The following CLOCK variants were observed in gnomAD, a reference collection of about 807,000 sequenced individuals.
CLOCK encodes clock circadian regulator, also known as circadian locomoter output cycles protein kaput.
CLOCK carries 43 observed loss-of-function variants against 118.4 expected under a neutral mutation model. The ratio of observed to expected loss-of-function variants is 0.36; its 90% CI spans 0.28 to 0.47. The LOEUF is 0.47. CLOCK is among the 20% of genes least tolerant of loss of function. The pLI is 1.00. For missense variants in CLOCK, 846 were observed against 999.9 expected (o/e 0.85, Z 2.08); for synonymous variants, 326 against 339.2 (o/e 0.96, Z 0.43).
At chr4:55,521,381 G>A (rs2110062202) in intron 1 of CLOCK, among the ~76,000 whole-genome samples, 1 of 152,278 alleles carries the variant, frequency 6.6e-6, no homozygotes, top group South Asian at 2.1e-4. Context: ...ATCACGCCTG[G>A]CTAATTTTTT....
At position 55,520,476 on chromosome 4, in the gene CLOCK, T is replaced by C. The variant is rs532547998; in HGVS notation, c.-289-10411A>G. On this transcript the variant is annotated intron_variant, in intron 1 of 22. Coordinates refer to ENST00000513440, the MANE Select transcript of CLOCK (RefSeq NM_004898.4). ...AAAAATGGCATTATGAGGATCTGCT[T>C]TTGTAGTATGAACTACTCCTAGAAA... 5.3e-5 allele frequency among the ~76,000 whole-genome samples: 8 copies of C among 152,322 alleles called. No homozygotes were observed. In the South Asian group the frequency reaches 1.5e-3, roughly 28 times the overall value.
intron 1 of CLOCK, among the ~76,000 whole-genome samples, chr4:55,524,385 TGA>T (rs1730036013): frequency 6.6e-6 from 1 of 150,788 alleles, no homozygotes; most frequent in South Asian, 2.1e-4. Context: ...GGCAACAGAG[TGA>T]GACTCTGTCT....
At chr4:55,470,464 A>T (rs1171291702) in intron 8 of CLOCK, among the ~76,000 whole-genome samples, 1 of 152,188 alleles carries the variant, frequency 6.6e-6, no homozygotes, top group African/African-American at 2.4e-5. Flanking sequence ...TGATGTTCAC[A>T]CAGTGACAAA....
chr4:55,527,729 G>A (rs939198931), intron 1 of CLOCK, among the ~76,000 whole-genome samples: 11 of 152,096 alleles, frequency 7.2e-5, no homozygotes, highest in Non-Finnish European at 1.6e-4. Flanking sequence ...GTTAGGTGTG[G>A]TAATGATACC....
rs70965446 is a variant in CLOCK, at chr4:55,435,188, T to C, written c.*227A>G. 1.8e-3 allele frequency: 1,016 copies of C among 559,472 alleles called. 6 individuals carry two copies. Among genetic ancestry groups the C allele is most frequent in the South Asian group, 3.9e-3 (192 of 48,632 alleles). The allele number at this position is 559,472 out of a possible 1,614,324, so 34.7% of individuals were successfully genotyped here. ...AAAAATATCCAGGCACCTAAAACAC[T>C]GTCAGAACTGGCTATGCCCCTATGA... On this transcript the variant is annotated 3_prime_UTR_variant, in exon 23 of 23. Transcript: ENST00000513440.
intron 1 of CLOCK, among the ~76,000 whole-genome samples, chr4:55,528,122 C>T (rs1367794440): frequency 6.6e-6 from 1 of 151,954 alleles, no homozygotes; most frequent in African/African-American, 2.4e-5. Flanking sequence ...CTTTGGGAGG[C>T]TGAGGTGGGT....
At chr4:55,504,089 C>A (rs1728626867) in intron 2 of CLOCK, among the ~76,000 whole-genome samples, 1 of 149,736 alleles carries the variant, frequency 6.7e-6, no homozygotes, top group African/African-American at 2.4e-5. Flanking sequence ...TCGAGACCAT[C>A]CTGGCTAACA....
At chr4:55,456,351 T>A in intron 11 of CLOCK, 51 bp from the exon 12 acceptor site, 1 of 1,193,266 alleles carries the variant, frequency 8.4e-7, no homozygotes, top group Non-Finnish European at 1.2e-6. Flanking sequence ...TTAAGAATAT[T>A]AAATATTGCT....
In CLOCK at chr4:55,439,080, T is replaced by G. The variant is rs566822986; in HGVS notation, c.2106-543A>C. On this transcript the variant is annotated intron_variant, in intron 21 of 22. Transcript: ENST00000513440. ...ACAGAGTAAAAAGGTAACTGTCCCA[T>G]CCCACAGATGGGAGAAAATATCTGC... Among the ~76,000 whole-genome samples the G allele has an allele frequency of 7.2e-5, 11 of 152,264 alleles. No homozygotes were observed. In the East Asian group the frequency reaches 1.4e-3, roughly 19 times the overall value.
chr4:55,473,630 T>C (rs904126458), intron 7 of CLOCK, among the ~76,000 whole-genome samples: 1 of 152,198 alleles, frequency 6.6e-6, no homozygotes, highest in African/African-American at 2.4e-5. Context: ...TGCTTCGCTT[T>C]ATTGAACTTC....
At chr4:55,536,072 G>A (rs1368553656) in intron 1 of CLOCK, among the ~76,000 whole-genome samples, 1 of 152,096 alleles carries the variant, frequency 6.6e-6, no homozygotes, top group Non-Finnish European at 1.5e-5. Flanking sequence ...CAAGCTTAAA[G>A]GTGGTATCTC....
At chr4:55,483,831 T>C (rs1727104826) in intron 3 of CLOCK, among the ~76,000 whole-genome samples, 1 of 152,206 alleles carries the variant, frequency 6.6e-6, no homozygotes, top group African/African-American at 2.4e-5. Flanking sequence ...AAGAGTCTCA[T>C]ACCCAAATTG....
intron 15 of CLOCK, among the ~76,000 whole-genome samples, chr4:55,450,781 AC>A (rs957198561): frequency 6.1e-5 from 9 of 148,076 alleles, no homozygotes; most frequent in African/African-American, 2.2e-4. Context: ...AAAAAAAAAA[AC>A]ATTAACTCAA....
intron 1 of CLOCK, among the ~76,000 whole-genome samples, chr4:55,524,567 A>G (rs1730054292): frequency 6.6e-6 from 1 of 152,176 alleles, no homozygotes; most frequent in Admixed American, 6.6e-5. Context: ...GAATAAGTGC[A>G]GCCTGAGATT....
rs751159146 is a variant in CLOCK at position 55,504,035 on chromosome 4, AG to A, written c.-136+5876del. Among the ~76,000 whole-genome samples the A allele has an allele frequency of 2.8e-3, 405 of 144,390 alleles. 1 individual carries two copies. Among genetic ancestry groups the A allele is most frequent in the Non-Finnish European group, 4.3e-3 (282 of 66,270 alleles). The allele number at this position is 144,390 out of a possible 152,430, so 94.7% of individuals were successfully genotyped here. A position where few individuals can be genotyped will look rare whatever the true frequency, so the allele number is the denominator to read the frequency against. ...CACAGTGGCTCACGCCTGTAATCCC[AG>A]CACTTTGGGAGGCCAAGGCGGGCGG... On this transcript the variant is annotated intron_variant, in intron 2 of 22. Coordinates refer to ENST00000513440, the MANE Select transcript of CLOCK (RefSeq NM_004898.4).
chr4:55,545,730 T>G lies in CLOCK; in HGVS notation c.-290+1052A>C, dbSNP rs368036091. ...ACAAACACTTTCAAAGAATATAAAC[T>G]CTGCGGCGCTGCGTGTAGGAAATTA... On this transcript the variant is annotated intron_variant, in intron 1 of 22. Transcript: ENST00000513440. 7.2e-5 allele frequency: 11 copies of G among 152,280 alleles called. No homozygotes were observed. The East Asian group carries it at 1.7e-3, about 24-fold the overall frequency. 9.4% of individuals were successfully genotyped at this position (152,280 alleles called of 1,614,324 possible).
At chr4:55,444,386 C>T (rs1441529979) in intron 19 of CLOCK, among the ~76,000 whole-genome samples, 3 of 151,962 alleles carry the variant, frequency 2.0e-5, no homozygotes, top group African/African-American at 7.3e-5. Context: ...TTCAAACTTA[C>T]TAAAATTTGG....
At chr4:55,448,553 T>A (rs1013293809) in intron 18 of CLOCK, among the ~76,000 whole-genome samples, 1 of 151,776 alleles carries the variant, frequency 6.6e-6, no homozygotes, top group African/African-American at 2.4e-5. Flanking sequence ...CAGTTAAGAT[T>A]CACTGCATCT....
chr4:55,475,906 C>A (rs945431884), intron 7 of CLOCK, 57 bp downstream of exon 7: 3 of 1,203,340 alleles, frequency 2.5e-6, no homozygotes, highest in Admixed American at 1.8e-5. Flanking sequence ...TATTAAGTCA[C>A]CCTGTGATTT....
Sources: allele counts gnomAD v4.1 joint callset (sites outside exome capture counted in the v4.1 genomes callset), GRCh38; gene constraint gnomAD v4.1.1; transcripts MANE v1.5; gene names NCBI Gene and HGNC (gene_info 2026-07-23, HGNC 2026-07-21).